The following SHISA9 variants were observed in gnomAD, a reference collection of about 807,000 sequenced individuals.
The protein encoded by SHISA9 is shisa family member 9.
Under a neutral mutation model 38.0 loss-of-function variants are expected in SHISA9, and 13 were observed. That is an observed-to-expected ratio of 0.34 (90% confidence interval 0.22 to 0.54). SHISA9 has a LOEUF of 0.54. Among genes scored for constraint, SHISA9 ranks in the 20% least tolerant of loss-of-function variants. SHISA9 has a pLI of 0.91. For synonymous variants in SHISA9, 275 were observed against 242.0 expected (o/e 1.14, Z -1.27); for missense variants, 538 against 575.8 (o/e 0.93, Z 0.67).
the SHISA9 span, among the ~76,000 whole-genome samples, chr16:13,297,098 A>G: frequency 6.6e-6 from 1 of 152,066 alleles, no homozygotes; most frequent in Admixed American, 6.6e-5. Context: ...TTTGACTCTA[A>G]TGGCATCCCT....
At chr16:12,939,312 G>A (rs1383159445) in intron 2 of SHISA9, among the ~76,000 whole-genome samples, 2 of 152,182 alleles carry the variant, frequency 1.3e-5, no homozygotes, top group Admixed American at 1.3e-4. Flanking sequence ...TCAAACTCCT[G>A]ACCTCAGGCA....
chr16:13,018,253 C>T (rs1200177415), intron 2 of SHISA9, among the ~76,000 whole-genome samples: 1 of 152,194 alleles, frequency 6.6e-6, no homozygotes, highest in Non-Finnish European at 1.5e-5. Flanking sequence ...CTTTGTCATT[C>T]ATTCTTTGCC....
the SHISA9 span, among the ~76,000 whole-genome samples, chr16:13,469,498 C>T: frequency 2.6e-5 from 4 of 152,118 alleles, no homozygotes; most frequent in Admixed American, 6.5e-5. Context: ...TGGGCACAAC[C>T]TGGCCTTTGA....
chr16:13,062,504 C>T (rs888783500), intron 2 of SHISA9, among the ~76,000 whole-genome samples: 2 of 152,108 alleles, frequency 1.3e-5, no homozygotes, highest in African/African-American at 4.8e-5. Flanking sequence ...TCTTGAGTAG[C>T]TCAGTAGATT....
intron 2 of SHISA9, among the ~76,000 whole-genome samples, chr16:13,000,897 G>T (rs2072515703): frequency 6.6e-6 from 1 of 152,120 alleles, no homozygotes; most frequent in Non-Finnish European, 1.5e-5. Flanking sequence ...CCAGAGAGGG[G>T]TCAGGCAACT....
At chr16:13,475,123 A>G in the SHISA9 span, among the ~76,000 whole-genome samples, 5 of 152,160 alleles carry the variant, frequency 3.3e-5, no homozygotes, top group Non-Finnish European at 7.4e-5. Context: ...CATTCAGAAG[A>G]TGAAAGGACT....
chr16:13,463,152 C>A, the SHISA9 span, among the ~76,000 whole-genome samples: 1 of 151,902 alleles, frequency 6.6e-6, no homozygotes, highest in South Asian at 2.1e-4. Context: ...AGAGTGAGAC[C>A]CTGTCTCAAA....
chr16:13,020,727 C>G (rs1394844470), intron 2 of SHISA9, among the ~76,000 whole-genome samples: 1 of 152,170 alleles, frequency 6.6e-6, no homozygotes, highest in Non-Finnish European at 1.5e-5. Context: ...TCCACCATCC[C>G]TTCTCTTTTG....
intron 2 of SHISA9, among the ~76,000 whole-genome samples, chr16:12,981,314 CAG>C: frequency 6.6e-6 from 1 of 152,330 alleles, no homozygotes; most frequent in Admixed American, 6.5e-5. Flanking sequence ...GCATTTGGAG[CAG>C]AGTTCTCAGT....
At chr16:13,197,600 T>C (rs368260776) in intron 2 of SHISA9, 1 of 152,196 alleles carries the variant, frequency 6.6e-6, no homozygotes, top group East Asian at 1.9e-4. Context: ...GCTCCTTCTC[T>C]GTCTTAGGAA....
chr16:13,180,218 G>A (rs1400057460), intron 2 of SHISA9, among the ~76,000 whole-genome samples: 1 of 152,198 alleles, frequency 6.6e-6, no homozygotes, highest in East Asian at 1.9e-4. Flanking sequence ...TATATTCAGA[G>A]CCTCTGCCGC....
At chr16:13,535,281 A>T in the SHISA9 span, among the ~76,000 whole-genome samples, 3 of 151,946 alleles carry the variant, frequency 2.0e-5, no homozygotes, top group Non-Finnish European at 4.4e-5. Flanking sequence ...TTCCAACTCA[A>T]CTCTCCAGTT....
chr16:13,089,374 T>C (rs949565985), intron 2 of SHISA9, among the ~76,000 whole-genome samples: 1 of 152,230 alleles, frequency 6.6e-6, no homozygotes, highest in African/African-American at 2.4e-5. Context: ...TCCGAAGGAA[T>C]GGTACCAGCT....
At chr16:13,329,156 C>G in the SHISA9 span, among the ~76,000 whole-genome samples, 2 of 152,114 alleles carry the variant, frequency 1.3e-5, no homozygotes, top group Non-Finnish European at 2.9e-5. Flanking sequence ...GTAGGGCGAC[C>G]AGCCTTCCCT....
intron 4 of SHISA9, among the ~76,000 whole-genome samples, chr16:13,231,975 C>T (rs1370292663): frequency 6.6e-6 from 1 of 152,202 alleles, no homozygotes; most frequent in Non-Finnish European, 1.5e-5. Context: ...AAATAGTCCC[C>T]ATCTTTTCCA....
chr16:13,182,034 A>G (rs1402617576), intron 2 of SHISA9, among the ~76,000 whole-genome samples: 1 of 152,208 alleles, frequency 6.6e-6, no homozygotes, highest in Non-Finnish European at 1.5e-5. Context: ...GCCAGAGCCA[A>G]TGGTGACCAG....
At chr16:13,525,403 A>T in the SHISA9 span, among the ~76,000 whole-genome samples, 1 of 152,198 alleles carries the variant, frequency 6.6e-6, no homozygotes, top group Non-Finnish European at 1.5e-5. Flanking sequence ...AAAAGACATG[A>T]ATTTAAGCCC....
the SHISA9 span, among the ~76,000 whole-genome samples, chr16:13,547,341 G>A: frequency 6.6e-6 from 1 of 152,110 alleles, no homozygotes; most frequent in Non-Finnish European, 1.5e-5. Flanking sequence ...GGAGAAAACA[G>A]AACCAATAAC....
chr16:13,149,474 G>A (rs4781419), intron 2 of SHISA9, among the ~76,000 whole-genome samples: 96,504 of 152,038 alleles, frequency 0.63, 31,804 homozygotes, highest in South Asian at 0.81. Context: ...GTAGTATAGC[G>A]TAGTGGTTAA....
Sources: allele counts gnomAD v4.1 joint callset (sites outside exome capture counted in the v4.1 genomes callset), GRCh38; gene constraint gnomAD v4.1.1; transcripts MANE v1.5; gene names NCBI Gene and HGNC (gene_info 2026-07-23, HGNC 2026-07-21).